The following NACC1 variants were observed in gnomAD, a reference collection of about 807,000 sequenced individuals.
The protein encoded by NACC1 is nucleus accumbens-associated protein 1.
A neutral mutation model predicts 41.7 loss-of-function variants in NACC1; 6 were observed. The ratio of observed to expected loss-of-function variants is 0.14; its 90% CI spans 0.08 to 0.28. The LOEUF is 0.28. Among genes scored for constraint, NACC1 ranks in the 10% least tolerant of loss-of-function variants. NACC1 has a pLI of 1.00. For synonymous variants in NACC1, 338 were observed against 330.6 expected, an observed-to-expected ratio of 1.02 and a Z score of -0.24; for missense variants, 434 against 763.7, an observed-to-expected ratio of 0.57 and a Z score of 5.09.
Position 13,135,606 on chromosome 19 carries a change from G to T in NACC1, c.399G>T (p.Leu133=). ...VSSPSCDSQG[L]HAEEAPSSEP... is the part of the protein sequence containing the mutation. ...CCCCGAGCTGCGACTCCCAGGGCCT[G>T]CATGCGGAGGAGGCCCCATCGTCGG... Residue 133 remains leucine (L), a synonymous_variant, in exon 2 of 6, where the codon CTG becomes CTT. Transcript: ENST00000292431. 1 of 1,587,914 alleles carries T rather than the reference G, an allele frequency of 6.3e-7. No individual in the cohort carries two copies.
Position 13,137,257 on chromosome 19 carries a change from C to G in NACC1, c.1121-14C>G. 1 of 1,611,464 alleles carries G rather than the reference C, an allele frequency of 6.2e-7. No individual in the cohort carries two copies. Among genetic ancestry groups the G allele is most frequent in the Non-Finnish European group, 8.5e-7 (1 of 1,178,770 alleles). ...GGGGGCACCCCAGGCCATCCTCCGG[C>G]TTCCTCTCACCAGGCACCAACGTGT... is the stretch of plus-strand genomic sequence containing the variant. On this transcript the variant is annotated splice_polypyrimidine_tract_variant and intron_variant, in intron 3 of 5. Coordinates refer to ENST00000292431, the MANE Select transcript of NACC1 (RefSeq NM_052876.4). The surrounding 1 kb of genome is among the most constrained non-coding windows in gnomAD (Gnocchi z 6.1).
At chr19:13,123,932 C>T (rs2019530601) in intron 1 of NACC1, among the ~76,000 whole-genome samples, 2 of 152,182 alleles carry the variant, frequency 1.3e-5, no homozygotes, top group South Asian at 4.1e-4. Flanking sequence ...TCATTTCTTC[C>T]TCAGAAACTG....
Position 13,138,427 on chromosome 19 carries a change from G to A in NACC1, c.*21G>A, listed in dbSNP as rs2019737969. On this transcript the variant is annotated 3_prime_UTR_variant, in exon 6 of 6. Coordinates refer to ENST00000292431, the MANE Select transcript of NACC1 (RefSeq NM_052876.4). This position sits in a 1 kb window ranked among gnomAD's most constrained non-coding sequence, Gnocchi z 5.7. ...AGTAACCCGCCCAGCCTCCCGCGGG[G>A]CCACACACTTCCCCTCCCAACACAC... 1 of 1,603,638 alleles carries A rather than the reference G, an allele frequency of 6.2e-7. No homozygotes were observed.
At chr19:13,122,490 G>T (rs1404830326) in intron 1 of NACC1, among the ~76,000 whole-genome samples, 4 of 150,364 alleles carry the variant, frequency 2.7e-5, no homozygotes, top group Non-Finnish European at 4.4e-5. Context: ...GGACACTTGG[G>T]GAATGTCTGG....
intron 1 of NACC1, among the ~76,000 whole-genome samples, chr19:13,129,597 C>G (rs2019606847): frequency 6.6e-6 from 1 of 152,226 alleles, no homozygotes; most frequent in Middle Eastern, 3.2e-3. Flanking sequence ...AGACCCGTCG[C>G]CCCACTCCGC....
At chr19:13,123,321 G>A (rs2019522655) in intron 1 of NACC1, among the ~76,000 whole-genome samples, 1 of 152,190 alleles carries the variant, frequency 6.6e-6, no homozygotes, top group Admixed American at 6.5e-5. Flanking sequence ...GGAGTTGGTG[G>A]GGAGGGAGCG....
In NACC1 at chr19:13,137,865, G is replaced by A. The variant is rs1241530983; in HGVS notation, c.1325-282G>A. ...CAGTGCTAGCCACTCGTCATGGGGG[G>A]CATCTAGATTTTCAAGTGACCACTC... On this transcript the variant is annotated intron_variant, in intron 5 of 5. Transcript: ENST00000292431. This position sits in a 1 kb window ranked among gnomAD's most constrained non-coding sequence, Gnocchi z 6.1. Among the ~76,000 whole-genome samples the A allele has an allele frequency of 6.6e-6, 1 of 152,192 alleles. No individual in the cohort carries two copies. Among genetic ancestry groups the A allele is most frequent in the Non-Finnish European group, 1.5e-5 (1 of 68,042 alleles).
rs2019740197 is a variant in NACC1, at chr19:13,138,540, C to T, written c.*134C>T. 1.5e-6 allele frequency: 2 copies of T among 1,331,742 alleles called. No homozygotes were observed. Among genetic ancestry groups the T allele is most frequent in the Non-Finnish European group, 2.0e-6 (2 of 983,088 alleles). 82.5% of individuals were successfully genotyped at this position (1,331,742 alleles called of 1,614,324 possible). A position where few individuals can be genotyped will look rare whatever the true frequency, so the allele number is the denominator to read the frequency against. ...GCTGCATGTTCCCGGCCCTCTGCCC[C>T]TCCTGTCCTACCCCCTTTCCCCACC... On this transcript the variant is annotated 3_prime_UTR_variant, in exon 6 of 6. Coordinates refer to ENST00000292431, the MANE Select transcript of NACC1 (RefSeq NM_052876.4). The surrounding 1 kb of genome is among the most constrained non-coding windows in gnomAD (Gnocchi z 5.7).
upstream of NACC1, chr19:13,118,108 G>A (rs1394128799): frequency 6.6e-6 from 1 of 152,104 alleles, no homozygotes; most frequent in Non-Finnish European, 1.5e-5. Context: ...GATCCCCCAG[G>A]GGCATAGAGA....
At chr19:13,123,807 C>T (rs866698363) in intron 1 of NACC1, among the ~76,000 whole-genome samples, 5 of 152,230 alleles carry the variant, frequency 3.3e-5, no homozygotes, top group Non-Finnish European at 2.9e-5. Flanking sequence ...TTGCCTGATT[C>T]GGGAGCCAGA....
rs1409142751 is a variant in NACC1, at chr19:13,128,929, T to TGTCCCCCACACCCTC, written c.-8-6270_-8-6256dup. ...CAGCTGCCCTGTGGCCTCCTGCCCT[T>TGTCCCCCACACCCTC]GTCCCCCACACCCTCAGGGGTGCTG... On this transcript the variant is annotated intron_variant, in intron 1 of 5. Coordinates refer to ENST00000292431, the MANE Select transcript of NACC1 (RefSeq NM_052876.4). Among the ~76,000 whole-genome samples the TGTCCCCCACACCCTC allele has an allele frequency of 1.1e-4, 17 of 152,352 alleles. No homozygotes were observed. The South Asian group carries it at 1.2e-3, about 11-fold the overall frequency.
chr19:13,119,173 G>A (rs2019455834), intron 1 of NACC1, among the ~76,000 whole-genome samples: 1 of 151,710 alleles, frequency 6.6e-6, no homozygotes. Context: ...CTAGGCTAGG[G>A]GGGATGTGGG....
chr19:13,122,748 C>A (rs907187330), intron 1 of NACC1, among the ~76,000 whole-genome samples: 1 of 152,076 alleles, frequency 6.6e-6, no homozygotes, highest in Non-Finnish European at 1.5e-5. Flanking sequence ...AAAACCCCAG[C>A]GATCACTGCC....
chr19:13,138,071 G>A lies in NACC1; in HGVS notation c.1325-76G>A. 1.3e-6 allele frequency: 2 copies of A among 1,572,928 alleles called. No homozygotes were observed. The highest frequency in any genetic ancestry group is 2.4e-5 in the South Asian group (2 of 84,588). On this transcript the variant is annotated intron_variant, in intron 5 of 5. Coordinates refer to ENST00000292431, the MANE Select transcript of NACC1 (RefSeq NM_052876.4). This position sits in a 1 kb window ranked among gnomAD's most constrained non-coding sequence, Gnocchi z 5.7. ...CCTTTGAGAGGGAGTCGCAGATGCTGTAGGGGAGCTGGTGAGTAGGCCTTG... is the reference window on the plus strand; with the variant it reads ...CCTTTGAGAGGGAGTCGCAGATGCTATAGGGGAGCTGGTGAGTAGGCCTTG...
intron 1 of NACC1, among the ~76,000 whole-genome samples, chr19:13,119,241 C>G (rs960776286): frequency 6.6e-6 from 1 of 152,008 alleles, no homozygotes; most frequent in East Asian, 1.9e-4. Flanking sequence ...CGCCCCCCAC[C>G]GCCCCCAACT....
In NACC1 at chr19:13,138,028, G is replaced by A. The variant is rs561652860; in HGVS notation, c.1325-119G>A. On this transcript the variant is annotated intron_variant, in intron 5 of 5. Coordinates refer to ENST00000292431, the MANE Select transcript of NACC1 (RefSeq NM_052876.4). The surrounding 1 kb of genome is among the most constrained non-coding windows in gnomAD (Gnocchi z 5.7). ...GCACGTAGTGTGGTGTCCTGGCCGC[G>A]TGGCCTCACTCGTTTCCCCTTTGAG... The A allele has an allele frequency of 3.7e-5, 53 of 1,448,474 alleles. No individual in the cohort carries two copies. Among genetic ancestry groups the A allele is most frequent in the African/African-American group, 3.5e-4 (25 of 72,006 alleles). 89.7% of individuals were successfully genotyped at this position (1,448,474 alleles called of 1,614,324 possible).
chr19:13,140,205 T>G lies in NACC1; in HGVS notation c.*1799T>G, dbSNP rs1475955041. The G allele has an allele frequency of 6.6e-6, 1 of 152,540 alleles. No homozygotes were observed. The highest frequency in any genetic ancestry group is 1.5e-5 in the Non-Finnish European group (1 of 68,060). The allele number at this position is 152,540 out of a possible 1,614,324, so 9.4% of individuals were successfully genotyped here. A position where few individuals can be genotyped will look rare whatever the true frequency, so the allele number is the denominator to read the frequency against. On this transcript the variant is annotated 3_prime_UTR_variant, in exon 6 of 6. Transcript: ENST00000292431. The surrounding 1 kb of genome is among the most constrained non-coding windows in gnomAD (Gnocchi z 4.0). ...AACCTTAGCCCCCAGCCGGCCTGAGTGGGGGATATTGACACCCCCAGCTAA... is the reference window on the plus strand; with the variant it reads ...AACCTTAGCCCCCAGCCGGCCTGAGGGGGGGATATTGACACCCCCAGCTAA...
rs1411972673 is a variant in NACC1, at chr19:13,135,954, A to C, written c.747A>C (p.Ala249=). Residue 249 remains alanine, a synonymous_variant, in exon 2 of 6, where the codon GCA becomes GCC. Coordinates refer to ENST00000292431, the MANE Select transcript of NACC1 (RefSeq NM_052876.4). ...AGCCAGCCGGTGGGGTGGCAGCAGCAGGGGGTGTGGTGAGTGGGCCCAGCA... is the reference window on the plus strand; with the variant it reads ...AGCCAGCCGGTGGGGTGGCAGCAGCCGGGGGTGTGGTGAGTGGGCCCAGCA... ...AGQPAGGVAA[A]GGVVSGPSTS... is the part of the protein sequence containing the mutation. 4 of 1,601,394 alleles carry C rather than the reference A, an allele frequency of 2.5e-6. No individual in the cohort carries two copies. In the East Asian group the frequency reaches 6.8e-5, roughly 27 times the overall value.
intron 1 of NACC1, among the ~76,000 whole-genome samples, chr19:13,121,481 G>A (rs2019492164): frequency 6.6e-6 from 1 of 152,214 alleles, no homozygotes; most frequent in Non-Finnish European, 1.5e-5. Flanking sequence ...TGGCCTCCTG[G>A]CCGGGCAGCA....
Sources: allele counts gnomAD v4.1 joint callset (sites outside exome capture counted in the v4.1 genomes callset), GRCh38; gene constraint gnomAD v4.1.1; non-coding constraint Gnocchi (gnomAD v3.1); transcripts MANE v1.5; gene names NCBI Gene and HGNC (gene_info 2026-07-23, HGNC 2026-07-21).